SLC39A10: variants seen among roughly 807,000 people sequenced by gnomAD.
SLC39A10 encodes the protein solute carrier family 39 member 10.
Under a neutral mutation model 65.1 loss-of-function variants are expected in SLC39A10, and 13 were observed. The ratio of observed to expected loss-of-function variants is 0.20; its 90% confidence interval spans 0.13 to 0.32. SLC39A10 has a LOEUF of 0.32. Ranked by LOEUF, SLC39A10 falls within the 10% of genes least tolerant of loss-of-function variation. The pLI is 1.00. For missense variants in SLC39A10, 831 were observed against 1,018.4 expected (o/e 0.82, Z 2.50); for synonymous variants, 321 against 342.2 (o/e 0.94, Z 0.68).
chr2:195,630,104 TG>T (rs1688555667), intron 2 of SLC39A10, among the ~76,000 whole-genome samples: 1 of 9,868 alleles, frequency 1.0e-4, no homozygotes, highest in African/African-American at 6.1e-4. Context: ...TCATTTTATA[TG>T]TGTGTGTGTG....
At chr2:195,690,173 GAAAA>G (rs34116515) in intron 3 of SLC39A10, among the ~76,000 whole-genome samples, 11 of 61,152 alleles carry the variant, frequency 1.8e-4, no homozygotes, top group East Asian at 1.5e-3. Flanking sequence ...GAGACTCTCT[GAAAA>G]AAAAAAAAAA....
chr2:195,645,045 G>A (rs1301231572), intron 2 of SLC39A10, among the ~76,000 whole-genome samples: 1 of 151,904 alleles, frequency 6.6e-6, no homozygotes, highest in East Asian at 1.9e-4. Flanking sequence ...TAGTAGCTAG[G>A]ATTACAGGCA....
At chr2:195,633,800 C>T (rs1006920493) in intron 2 of SLC39A10, among the ~76,000 whole-genome samples, 3 of 152,030 alleles carry the variant, frequency 2.0e-5, no homozygotes, top group Non-Finnish European at 4.4e-5. Flanking sequence ...TCAGCTGCTT[C>T]TTCTCCTCTT....
At chr2:195,717,172 G>A in intron 7 of SLC39A10, 167 bp downstream of exon 7, 2 of 780,034 alleles carry the variant, frequency 2.6e-6, no homozygotes, top group South Asian at 2.2e-5. Flanking sequence ...AGGTGTAAGG[G>A]TATAATTTAG....
intron 1 of SLC39A10, chr2:195,674,581 T>C: frequency 2.0e-6 from 2 of 985,176 alleles, no homozygotes; most frequent in Non-Finnish European, 2.4e-6. Flanking sequence ...CCGGCCTGCT[T>C]TTCTTTATTT....
intron 3 of SLC39A10, among the ~76,000 whole-genome samples, chr2:195,692,018 A>AT (rs1476100878): frequency 1.3e-5 from 2 of 152,120 alleles, no homozygotes; most frequent in Non-Finnish European, 2.9e-5. Context: ...CCTTGAGTTG[A>AT]TTTTTTTATA....
intron 3 of SLC39A10, among the ~76,000 whole-genome samples, chr2:195,705,332 T>G (rs886896915): frequency 6.6e-6 from 1 of 152,210 alleles, no homozygotes; most frequent in Non-Finnish European, 1.5e-5. Context: ...AATTCTCTTT[T>G]AAGATACAGG....
chr2:195,664,555 G>A (rs1303044063), intron 1 of SLC39A10, among the ~76,000 whole-genome samples: 1 of 152,066 alleles, frequency 6.6e-6, no homozygotes, highest in African/African-American at 2.4e-5. Flanking sequence ...TGCAGAAAAT[G>A]TGACTGAATC....
rs550718037 is a variant in SLC39A10, at chr2:195,677,848, C to T, written c.-11-2184C>T. Among the ~76,000 whole-genome samples the T allele has an allele frequency of 4.0e-5, 6 of 149,646 alleles. No homozygotes were observed. In the East Asian group the frequency reaches 5.9e-4, roughly 15 times the overall value. On this transcript the variant is annotated intron_variant, in intron 1 of 9. Transcript: ENST00000359634. ...CATTGCAACCTCTGCCTCCTGGGTTCGAGTGATTCTCCTGTGTCAGCCTCC... is the reference window on the plus strand; with the variant it reads ...CATTGCAACCTCTGCCTCCTGGGTTTGAGTGATTCTCCTGTGTCAGCCTCC...
intron 2 of SLC39A10, among the ~76,000 whole-genome samples, chr2:195,621,849 A>G (rs1688355170): frequency 6.6e-6 from 1 of 152,214 alleles, no homozygotes; most frequent in Non-Finnish European, 1.5e-5. Context: ...CATAGGAAAT[A>G]TGATAGGTGC....
intron 5 of SLC39A10, among the ~76,000 whole-genome samples, chr2:195,709,146 T>C (rs1691512892): frequency 6.6e-6 from 1 of 152,052 alleles, no homozygotes; most frequent in African/African-American, 2.4e-5. Context: ...TGCCCCAGCC[T>C]CCCGAGTAGC....
At chr2:195,734,159 TAAAAA>T (rs35001848) in intron 9 of SLC39A10, among the ~76,000 whole-genome samples, 27 of 116,556 alleles carry the variant, frequency 2.3e-4, no homozygotes, top group African/African-American at 3.0e-4. Context: ...CCTTTTTTTT[TAAAAA>T]AAAAAAAAAA....
intron 2 of SLC39A10, among the ~76,000 whole-genome samples, chr2:195,625,837 C>T (rs965238085): frequency 6.6e-6 from 1 of 152,176 alleles, no homozygotes; most frequent in African/African-American, 2.4e-5. Context: ...AGAACAGTCT[C>T]GCTCTGTCAC....
At chr2:195,675,528 C>T (rs758747965) in intron 1 of SLC39A10, among the ~76,000 whole-genome samples, 8 of 152,212 alleles carry the variant, frequency 5.3e-5, no homozygotes, top group Non-Finnish European at 8.8e-5. Context: ...CTGCGCTTCC[C>T]GGGTTCATGC....
At chr2:195,722,305 C>T (rs763801062) in intron 8 of SLC39A10, among the ~76,000 whole-genome samples, 4 of 152,118 alleles carry the variant, frequency 2.6e-5, no homozygotes, top group Non-Finnish European at 4.4e-5. Flanking sequence ...TAAACTATAC[C>T]ATACTGTAGC....
chr2:195,648,012 AG>A (rs1688960162), intron 2 of SLC39A10, among the ~76,000 whole-genome samples: 1 of 152,160 alleles, frequency 6.6e-6, no homozygotes, highest in African/African-American at 2.4e-5. Context: ...TAATTTACTG[AG>A]GCAAGGTCCC....
intron 1 of SLC39A10, among the ~76,000 whole-genome samples, chr2:195,677,841 C>G (rs972430776): frequency 6.6e-6 from 1 of 151,128 alleles, no homozygotes; most frequent in African/African-American, 2.4e-5. Context: ...CCTCTGCCTC[C>G]TGGGTTCGAG....
intron 1 of SLC39A10, among the ~76,000 whole-genome samples, chr2:195,669,590 T>A (rs1689771142): frequency 6.6e-6 from 1 of 152,228 alleles, no homozygotes; most frequent in Non-Finnish European, 1.5e-5. Flanking sequence ...TGTTAACCAT[T>A]TGTATATATT....
At chr2:195,638,073 C>T (rs1688728592) in intron 2 of SLC39A10, among the ~76,000 whole-genome samples, 1 of 152,152 alleles carries the variant, frequency 6.6e-6, no homozygotes, top group Non-Finnish European at 1.5e-5. Context: ...GTTCTCAGTA[C>T]AGTACAGGAT....
Sources: gnomAD v4.1 joint callset for allele counts (sites outside exome capture counted in the v4.1 genomes callset) on GRCh38, gnomAD v4.1.1 for gene constraint, MANE v1.5 for transcripts, NCBI Gene and HGNC (gene_info 2026-07-23, HGNC 2026-07-21) for gene names.